GPSM2: variants seen among roughly 807,000 people sequenced by gnomAD.
The protein encoded by GPSM2 is G protein-signaling modulator 2.
Under a neutral mutation model 78.4 loss-of-function variants are expected in GPSM2, and 58 were observed. That is an observed-to-expected ratio of 0.74 (90% CI 0.60 to 0.92). GPSM2 has a LOEUF of 0.92. GPSM2 is among the 40% of genes least tolerant of loss of function. GPSM2 has a pLI of 0.00. For synonymous variants in GPSM2, 224 were observed against 280.2 expected (o/e 0.80, Z 2.00); for missense variants, 700 against 815.5 (o/e 0.86, Z 1.73).
Position 108,924,158 on chromosome 1 carries a change from A to C in GPSM2, c.1759A>C (p.Thr587Pro). Residue 587 changes from threonine (T) to proline (P), a missense_variant, in exon 14 of 15, where the codon ACT becomes CCT. Coordinates refer to ENST00000264126, the MANE Select transcript of GPSM2 (RefSeq NM_013296.5). ...CCAGTCGGTACTTAGCCACCTGATG[A>C]CTAATGACAACAAAGAGGCTGATGA... is the stretch of plus-strand genomic sequence containing the variant. ...NSQSVLSHLM[T>P]NDNKEADEDF... The C allele has an allele frequency of 6.2e-7, 1 of 1,613,830 alleles. No individual in the cohort carries two copies.
At chr1:108,927,262 A>G (rs1651178128) in intron 14 of GPSM2, among the ~76,000 whole-genome samples, 1 of 152,202 alleles carries the variant, frequency 6.6e-6, no homozygotes. Context: ...TAAAAATCCA[A>G]ATGACTTTTT....
intron 1 of GPSM2, among the ~76,000 whole-genome samples, chr1:108,884,836 A>G (rs12145642): frequency 0.017 from 2,525 of 152,334 alleles, 43 homozygotes; most frequent in Non-Finnish European, 0.029. Context: ...TTGAAAGCAA[A>G]TGAATCCAAC....
chr1:108,904,231 C>G lies in GPSM2; in HGVS notation c.1169C>G (p.Thr390Ser), dbSNP rs374680642. ...AATAACTCCATAATGTCTGAAAATA[C>G]TGAAATTGATAGCAGTTTGAATGGT... is the stretch of plus-strand genomic sequence containing the variant. ...STNNSIMSEN[T>S]EIDSSLNGVR... Residue 390 changes from threonine (T) to serine (S), a missense_variant, in exon 10 of 15, where the codon ACT (threonine) becomes AGT (serine). Physicochemically the swap from Thr to Ser is moderately conservative, Grantham distance 58. Transcript: ENST00000264126. 1.3e-6 allele frequency: 2 copies of G among 1,598,688 alleles called. No homozygotes were observed. The highest frequency in any genetic ancestry group is 1.1e-5 in the South Asian group (1 of 90,666).
intron 12 of GPSM2, 146 bp downstream of exon 12, chr1:108,918,935 C>T (rs1650483708): frequency 1.5e-6 from 1 of 657,998 alleles, no homozygotes; most frequent in African/African-American, 1.8e-5. Context: ...TTTCTATCTT[C>T]TTCAAAATTA....
chr1:108,916,306 T>A (rs1247659215), intron 11 of GPSM2, among the ~76,000 whole-genome samples: 1 of 152,014 alleles, frequency 6.6e-6, no homozygotes, highest in Non-Finnish European at 1.5e-5. Context: ...CATTAAATAT[T>A]CTTCTGCCCT....
intron 2 of GPSM2, among the ~76,000 whole-genome samples, chr1:108,891,306 C>G (rs1438115359): frequency 2.6e-5 from 4 of 152,092 alleles, no homozygotes; most frequent in Admixed American, 2.6e-4. Flanking sequence ...TTTGTTAGCT[C>G]AATGTAGTTG....
rs1362109775 is a variant in GPSM2, at chr1:108,934,421, A to G, written c.*4481A>G. On this transcript the variant is annotated 3_prime_UTR_variant, in exon 15 of 15. Transcript: ENST00000264126. ...GTGATGCCTGTCATCTGTTCATCTT[A>G]AAATAAACACTTCTTACTTTATGGG... is the stretch of plus-strand genomic sequence containing the variant. The G allele has an allele frequency of 6.3e-6, 3 of 476,352 alleles. No individual in the cohort carries two copies. The Admixed American group carries it at 1.1e-4, about 17-fold the overall frequency. The allele number at this position is 476,352 out of a possible 1,614,324, so 29.5% of individuals were successfully genotyped here.
intron 11 of GPSM2, among the ~76,000 whole-genome samples, chr1:108,915,356 C>T (rs1351793865): frequency 2.6e-5 from 3 of 113,606 alleles, no homozygotes; most frequent in African/African-American, 7.6e-5. Flanking sequence ...GGCAACAGAG[C>T]GAGACTTGTC....
intron 12 of GPSM2, among the ~76,000 whole-genome samples, chr1:108,919,955 T>A (rs1650574921): frequency 6.8e-6 from 1 of 147,842 alleles, no homozygotes; most frequent in African/African-American, 2.5e-5. Flanking sequence ...CTCCTGAATT[T>A]AGGAGTTTGA....
chr1:108,924,154 G>C lies in GPSM2; in HGVS notation c.1755G>C (p.Leu585=). ...TQNSQSVLSH[L]MTNDNKEADE... ...ACAGCCAGTCGGTACTTAGCCACCT[G>C]ATGACTAATGACAACAAAGAGGCTG... Residue 585 remains leucine, a synonymous_variant, in exon 14 of 15, where the codon CTG becomes CTC. Coordinates refer to ENST00000264126, the MANE Select transcript of GPSM2 (RefSeq NM_013296.5). 6.2e-7 allele frequency: 1 copy of C among 1,613,876 alleles called. No homozygotes were observed. Among genetic ancestry groups the C allele is most frequent in the Non-Finnish European group, 8.5e-7 (1 of 1,179,822 alleles).
intron 7 of GPSM2, among the ~76,000 whole-genome samples, chr1:108,900,640 TG>T (rs1393956893): frequency 6.6e-6 from 1 of 152,234 alleles, no homozygotes; most frequent in Non-Finnish European, 1.5e-5. Flanking sequence ...TAATTGAATT[TG>T]GTTCCAGAAA....
At chr1:108,925,661 G>A (rs1418596009) in intron 14 of GPSM2, among the ~76,000 whole-genome samples, 1 of 152,088 alleles carries the variant, frequency 6.6e-6, no homozygotes, top group African/African-American at 2.4e-5. Flanking sequence ...ATAACATGGA[G>A]ATTATGAATA....
rs1228422968 is a variant in GPSM2, at chr1:108,934,433, TCTTA to T, written c.*4497_*4500del. ...ATCTGTTCATCTTAAAATAAACACT[TCTTA>T]CTTTATGGGATGTAAATATCAAAGA... On this transcript the variant is annotated 3_prime_UTR_variant, in exon 15 of 15. Coordinates refer to ENST00000264126, the MANE Select transcript of GPSM2 (RefSeq NM_013296.5). The T allele has an allele frequency of 2.0e-6, 1 of 504,856 alleles. No individual in the cohort carries two copies. Among genetic ancestry groups the T allele is most frequent in the Non-Finnish European group, 3.5e-6 (1 of 289,310 alleles). 31.3% of individuals were successfully genotyped at this position (504,856 alleles called of 1,614,324 possible). A position where few individuals can be genotyped will look rare whatever the true frequency, so the allele number is the denominator to read the frequency against.
chr1:108,884,832 G>C (rs1197627910), intron 1 of GPSM2, among the ~76,000 whole-genome samples: 1 of 152,126 alleles, frequency 6.6e-6, no homozygotes, highest in African/African-American at 2.4e-5. Flanking sequence ...TATTTTGAAA[G>C]CAAATGAATC....
intron 2 of GPSM2, among the ~76,000 whole-genome samples, chr1:108,894,030 T>C (rs1015422103): frequency 9.2e-5 from 14 of 151,956 alleles, no homozygotes; most frequent in African/African-American, 3.4e-4. Context: ...GGTGACAGAG[T>C]GAGACTCCAT....
chr1:108,917,548 A>G (rs1650323590), intron 11 of GPSM2, among the ~76,000 whole-genome samples: 1 of 140,904 alleles, frequency 7.1e-6, no homozygotes, highest in African/African-American at 2.6e-5. Context: ...GCCTGGCAAC[A>G]GAGTGAGACT....
chr1:108,912,781 C>T (rs571697885), intron 10 of GPSM2, among the ~76,000 whole-genome samples: 1 of 150,966 alleles, frequency 6.6e-6, no homozygotes, highest in African/African-American at 2.4e-5. Flanking sequence ...CATGGTGGCT[C>T]ACACAAGTAA....
At chr1:108,880,217 T>C (rs1436404972) in intron 1 of GPSM2, among the ~76,000 whole-genome samples, 1 of 152,242 alleles carries the variant, frequency 6.6e-6, no homozygotes, top group Non-Finnish European at 1.5e-5. Flanking sequence ...TATATTTTCC[T>C]ATGGAGAATT....
rs1255991698 is a variant in GPSM2 at position 108,901,885 on chromosome 1, A to G, written c.893A>G (p.Tyr298Cys). Residue 298 changes from tyrosine to cysteine, a missense_variant, in exon 8 of 15, where the codon TAT becomes TGT. Coordinates refer to ENST00000264126, the MANE Select transcript of GPSM2 (RefSeq NM_013296.5). ...AATACATATACTTTACTTCAAGACT[A>G]TGAAAAGGCCATTGATTATCATCTG... ...LGNTYTLLQD[Y>C]EKAIDYHLKH... The G allele has an allele frequency of 1.2e-6, 2 of 1,610,270 alleles. No individual in the cohort carries two copies. The highest frequency in any genetic ancestry group is 1.7e-6 in the Non-Finnish European group (2 of 1,176,480).
Sources: gnomAD v4.1 joint callset for allele counts (sites outside exome capture counted in the v4.1 genomes callset) on GRCh38, gnomAD v4.1.1 for gene constraint, MANE v1.5 for transcripts, NCBI Gene and HGNC (gene_info 2026-07-23, HGNC 2026-07-21) for gene names.